Variants in DCAF12 observed in about 807,000 individuals in gnomAD.
DCAF12 encodes DDB1 and CUL4 associated factor 12.
In DCAF12, 28 loss-of-function variants were observed where a neutral mutation model predicts 52.8. The ratio of observed to expected loss-of-function variants is 0.53; its 90% CI spans 0.39 to 0.73. The LOEUF (loss-of-function observed/expected upper bound fraction) is 0.73, where lower values mean the gene tolerates loss of function less well. Ranked by LOEUF, DCAF12 falls within the 30% of genes least tolerant of loss-of-function variation. The pLI is 0.00. For missense variants in DCAF12, 425 were observed against 552.2 expected (o/e 0.77, Z 2.31); for synonymous variants, 196 against 215.5 (o/e 0.91, Z 0.79).
chr9:34,098,248 G>A, intron 5 of DCAF12, 76 bp downstream of exon 5: 1 of 1,465,908 alleles, frequency 6.8e-7, no homozygotes, highest in Non-Finnish European at 9.4e-7. Flanking sequence ...GCACTGATGG[G>A]GAAGGAAAAA....
At chr9:34,098,093 C>G (rs1828765595) in intron 5 of DCAF12, among the ~76,000 whole-genome samples, 1 of 152,138 alleles carries the variant, frequency 6.6e-6, no homozygotes, top group Admixed American at 6.5e-5. Context: ...TTCTGTGAGG[C>G]TGACCCACAA....
At chr9:34,099,930 T>C (rs966941394) in intron 4 of DCAF12, among the ~76,000 whole-genome samples, 1 of 152,162 alleles carries the variant, frequency 6.6e-6, no homozygotes, top group Non-Finnish European at 1.5e-5. Flanking sequence ...TTTAGGTCTC[T>C]TGGCATGCAT....
chr9:34,115,803 C>A (rs542155688), intron 2 of DCAF12, among the ~76,000 whole-genome samples: 22 of 152,112 alleles, frequency 1.4e-4, no homozygotes, highest in African/African-American at 5.3e-4. Context: ...ATAAAACCCA[C>A]CTGGGCTCAG....
intron 5 of DCAF12, among the ~76,000 whole-genome samples, chr9:34,097,553 G>A (rs1278033600): frequency 6.6e-6 from 1 of 151,684 alleles, no homozygotes; most frequent in Non-Finnish European, 1.5e-5. Flanking sequence ...ACTGCGCCTG[G>A]GTGACACTCT....
chr9:34,109,494 A>T (rs1383668048), intron 2 of DCAF12: 1 of 158,734 alleles, frequency 6.3e-6, no homozygotes, highest in Non-Finnish European at 1.4e-5. Flanking sequence ...CTTGTTTTGG[A>T]GATTAAGCAT....
rs377504137 is a variant in DCAF12, at chr9:34,108,812, A to ATATATAT, written c.334-1248_334-1247insATATATA. ...TGGTCTCAAAAAAAATAAATAAATAAATATATATATATATATATGAATGAG... is the reference window on the plus strand; with the variant it reads ...TGGTCTCAAAAAAAATAAATAAATAATATATATATATATATATATATATATGAATGAG... On this transcript the variant is annotated intron_variant, in intron 2 of 8. Coordinates refer to ENST00000361264, the MANE Select transcript of DCAF12 (RefSeq NM_015397.4). 6.1e-3 allele frequency among the ~76,000 whole-genome samples: 856 copies of ATATATAT among 139,200 alleles called. 7 individuals are homozygous for ATATATAT. The Middle Eastern group carries it at 0.063, about 10-fold the overall frequency. 91.3% of individuals were successfully genotyped at this position (139,200 alleles called of 152,430 possible).
chr9:34,098,192 G>A (rs1161237488), intron 5 of DCAF12, 132 bp downstream of exon 5: 30 of 923,836 alleles, frequency 3.2e-5, no homozygotes, highest in Non-Finnish European at 4.3e-5. Context: ...GCATCACTCA[G>A]CCTTTAAGAG....
At chr9:34,094,338 G>A (rs1311834553) in intron 6 of DCAF12, among the ~76,000 whole-genome samples, 7 of 151,898 alleles carry the variant, frequency 4.6e-5, no homozygotes, top group Admixed American at 3.9e-4. Context: ...CCTGGGAGGC[G>A]GAGGTTGCAG....
chr9:34,110,735 G>A (rs896714444), intron 2 of DCAF12, among the ~76,000 whole-genome samples: 5 of 152,024 alleles, frequency 3.3e-5, no homozygotes, highest in Non-Finnish European at 7.4e-5. Flanking sequence ...AGTGAGCCAT[G>A]ATGGTGCCAC....
At chr9:34,095,388 T>C (rs1828720283) in intron 6 of DCAF12, among the ~76,000 whole-genome samples, 1 of 137,874 alleles carries the variant, frequency 7.3e-6, no homozygotes, top group Admixed American at 7.3e-5. Flanking sequence ...TTTTTTTTTT[T>C]TTTTTTTTTT....
At chr9:34,122,093 T>C (rs1460708106) in intron 2 of DCAF12, among the ~76,000 whole-genome samples, 1 of 152,184 alleles carries the variant, frequency 6.6e-6, no homozygotes, top group Non-Finnish European at 1.5e-5. Flanking sequence ...TCTCCTTAGC[T>C]TATCTGTCAG....
chr9:34,112,325 G>A (rs142835990), intron 2 of DCAF12, among the ~76,000 whole-genome samples: 2 of 152,286 alleles, frequency 1.3e-5, no homozygotes, highest in African/African-American at 2.4e-5. Context: ...GCTGAGCGTG[G>A]TGGTTCACGC....
intron 3 of DCAF12, 32 bp downstream of exon 3, chr9:34,107,327 T>A (rs753231364): frequency 6.2e-7 from 1 of 1,602,256 alleles, no homozygotes; most frequent in Non-Finnish European, 8.5e-7. Context: ...AAAACAAGGC[T>A]CCCTCCAACT....
At chr9:34,107,250 T>A in intron 3 of DCAF12, 109 bp downstream of exon 3, 2 of 1,040,694 alleles carry the variant, frequency 1.9e-6, no homozygotes, top group Non-Finnish European at 1.5e-6. Context: ...CTGTGCCCTA[T>A]GGGGAGTCCA....
At chr9:34,124,634 C>G (rs900152572) in intron 2 of DCAF12, among the ~76,000 whole-genome samples, 1 of 152,194 alleles carries the variant, frequency 6.6e-6, no homozygotes, top group Non-Finnish European at 1.5e-5. Context: ...CTTCGACATA[C>G]GTTCTTAGGC....
intron 2 of DCAF12, among the ~76,000 whole-genome samples, chr9:34,119,528 T>C (rs1308737052): frequency 6.6e-6 from 1 of 152,180 alleles, no homozygotes; most frequent in Non-Finnish European, 1.5e-5. Flanking sequence ...ACCATCCAGA[T>C]TTATCACTAT....
intron 7 of DCAF12, among the ~76,000 whole-genome samples, chr9:34,092,693 A>AC (rs1828664115): frequency 4.0e-5 from 6 of 151,772 alleles, no homozygotes; most frequent in Admixed American, 2.0e-4. Flanking sequence ...TCAAAAAAAA[A>AC]AAACAACAAC....
Position 34,126,681 on chromosome 9 carries a change from A to G in DCAF12, c.-250T>C, listed in dbSNP as rs2131446810. On this transcript the variant is annotated 5_prime_UTR_variant, in exon 1 of 9. Transcript: ENST00000361264. ...CTTTCCGACGGCAGAGCCTGCAAGG[A>G]CGGCGAGCGGCTAGAACCAAAACAC... 3 of 566,148 alleles carry G rather than the reference A, an allele frequency of 5.3e-6. No homozygotes were observed. In the East Asian group the frequency reaches 9.2e-5, roughly 17 times the overall value. 35.1% of individuals were successfully genotyped at this position (566,148 alleles called of 1,614,324 possible).
In DCAF12 at chr9:34,087,446, A is replaced by C. The variant is rs1828575957; in HGVS notation, c.*904T>G. 6.6e-6 allele frequency: 1 copy of C among 152,292 alleles called. No homozygotes were observed. The allele number at this position is 152,292 out of a possible 1,614,324, so 9.4% of individuals were successfully genotyped here. On this transcript the variant is annotated 3_prime_UTR_variant, in exon 9 of 9. Coordinates refer to ENST00000361264, the MANE Select transcript of DCAF12 (RefSeq NM_015397.4). The stretch of plus-strand genomic sequence containing the variant: ...ACCAGATCAGGTCTTGAGGGGAAGG[A>C]GAGAGAAGCTAGGATGGGGATTCAA...
Sources: allele counts gnomAD v4.1 joint callset (sites outside exome capture counted in the v4.1 genomes callset), GRCh38; gene constraint gnomAD v4.1.1; transcripts MANE v1.5; gene names NCBI Gene and HGNC (gene_info 2026-07-23, HGNC 2026-07-21).